ARL15: variants seen among roughly 807,000 people sequenced by gnomAD.
The protein encoded by ARL15 is ARF like GTPase 15.
ARL15 carries 19 observed loss-of-function variants against 25.2 expected under a neutral mutation model. The ratio of observed to expected loss-of-function variants is 0.75; its 90% CI spans 0.53 to 1.10. The LOEUF (loss-of-function observed/expected upper bound fraction) is 1.10, where lower values mean the gene tolerates loss of function less well. ARL15 is among the 50% of genes least tolerant of loss of function. The probability of loss-of-function intolerance (pLI) is 0.00; values close to 1 mark genes in which losing one functional copy is unlikely to be tolerated. For missense variants in ARL15, 220 were observed against 246.0 expected, an observed-to-expected ratio of 0.89 and a Z score of 0.71; for synonymous variants, 94 against 86.8, an observed-to-expected ratio of 1.08 and a Z score of -0.46.
At chr5:54,220,187 G>C (rs763647380) in intron 1 of ARL15, among the ~76,000 whole-genome samples, 1 of 152,132 alleles carries the variant, frequency 6.6e-6, no homozygotes, top group Non-Finnish European at 1.5e-5. Context: ...ACTAAAGAAA[G>C]TTACCTGTTA....
chr5:54,073,148 C>T (rs1021934116), intron 4 of ARL15, among the ~76,000 whole-genome samples: 26 of 152,148 alleles, frequency 1.7e-4, no homozygotes, highest in Admixed American at 1.5e-3. Flanking sequence ...GATTATAGAA[C>T]GACATGTCAG....
chr5:54,280,788 T>G (rs1285853674), intron 1 of ARL15, among the ~76,000 whole-genome samples: 1 of 152,222 alleles, frequency 6.6e-6, no homozygotes, highest in Non-Finnish European at 1.5e-5. Flanking sequence ...TAAAAGTAAG[T>G]ATCACTATAT....
intron 1 of ARL15, among the ~76,000 whole-genome samples, chr5:54,239,275 C>T (rs1485083791): frequency 1.3e-5 from 2 of 151,110 alleles, no homozygotes; most frequent in Non-Finnish European, 2.9e-5. Context: ...TTATCCTAGG[C>T]ATTGGATTTT....
At chr5:54,011,908 C>T (rs1749253644) in intron 4 of ARL15, among the ~76,000 whole-genome samples, 1 of 151,990 alleles carries the variant, frequency 6.6e-6, no homozygotes, top group Non-Finnish European at 1.5e-5. Context: ...ACTGGGGAGG[C>T]TGTGGCAAGA....
chr5:53,998,779 G>C (rs1314661054), intron 4 of ARL15, among the ~76,000 whole-genome samples: 2 of 152,156 alleles, frequency 1.3e-5, no homozygotes, highest in East Asian at 3.9e-4. Flanking sequence ...AAAATGAAAA[G>C]GCCTGGTCCC....
intron 1 of ARL15, among the ~76,000 whole-genome samples, chr5:54,294,344 G>C (rs2112696849): frequency 6.6e-6 from 1 of 152,308 alleles, no homozygotes; most frequent in African/African-American, 2.4e-5. Flanking sequence ...GAGTTCAGTA[G>C]TTGAAAGAAA....
chr5:54,228,357 A>T (rs1179403464), intron 1 of ARL15, among the ~76,000 whole-genome samples: 1 of 152,140 alleles, frequency 6.6e-6, no homozygotes, highest in African/African-American at 2.4e-5. Flanking sequence ...ATTGTAACTA[A>T]ATCACCAAAT....
chr5:54,244,961 AG>A (rs1280235638), intron 1 of ARL15, among the ~76,000 whole-genome samples: 1 of 152,168 alleles, frequency 6.6e-6, no homozygotes, highest in Non-Finnish European at 1.5e-5. Context: ...TCTAAAATGA[AG>A]AAAATACTCT....
intron 1 of ARL15, among the ~76,000 whole-genome samples, chr5:54,185,501 A>G (rs368377810): frequency 1.2e-4 from 19 of 152,296 alleles, no homozygotes; most frequent in African/African-American, 4.3e-4. Flanking sequence ...TGCAGGCACT[A>G]CTTTTAATTC....
In ARL15 at chr5:54,246,189, TTC is replaced by T. The variant is rs573879768; in HGVS notation, c.48+64241_48+64242del. Among the ~76,000 whole-genome samples the T allele has an allele frequency of 1.5e-3, 227 of 152,252 alleles. 1 individual carries two copies. The highest frequency in any genetic ancestry group is 5.2e-3 in the African/African-American group (217 of 41,540). ...CCTTCCCTTCTTCCTCCTGTTCTTT[TTC>T]TCTGTCAAATTAAAATATTTCCCTT... On this transcript the variant is annotated intron_variant, in intron 1 of 4. Transcript: ENST00000504924.
chr5:54,248,941 G>A lies in ARL15; in HGVS notation c.48+61491C>T, dbSNP rs550613233. On this transcript the variant is annotated intron_variant, in intron 1 of 4. Coordinates refer to ENST00000504924, the MANE Select transcript of ARL15 (RefSeq NM_019087.3). Reference sequence around the variant, plus strand: ...CTGACGGCTGGGTGTGGTGGCTCACGCCTGTAATCCCAGCACTTTGGGAAG... The same window carrying A: ...CTGACGGCTGGGTGTGGTGGCTCACACCTGTAATCCCAGCACTTTGGGAAG... 2.0e-4 allele frequency among the ~76,000 whole-genome samples: 31 copies of A among 152,244 alleles called. No homozygotes were observed. The East Asian group carries it at 5.2e-3, about 26-fold the overall frequency.
At chr5:54,050,556 C>G (rs1750675395) in intron 4 of ARL15, among the ~76,000 whole-genome samples, 1 of 152,120 alleles carries the variant, frequency 6.6e-6, no homozygotes, top group African/African-American at 2.4e-5. Context: ...GGAAGGAGCA[C>G]TTCTGAATTA....
chr5:54,118,343 G>A (rs1246031344), intron 3 of ARL15, among the ~76,000 whole-genome samples: 1 of 152,122 alleles, frequency 6.6e-6, no homozygotes, highest in Non-Finnish European at 1.5e-5. Flanking sequence ...GCAGATATGA[G>A]CATCCGGCCC....
intron 4 of ARL15, among the ~76,000 whole-genome samples, chr5:53,920,510 T>A (rs1033119593): frequency 2.6e-4 from 39 of 151,972 alleles, no homozygotes; most frequent in African/African-American, 7.5e-4. Context: ...AATTTTTTTT[T>A]AAAAAGTATC....
rs1311472486 is a variant in ARL15 at position 54,090,655 on chromosome 5, GAAGAAGGAAGA to G, written c.462+22536_462+22546del. On this transcript the variant is annotated intron_variant, in intron 4 of 4. Transcript: ENST00000504924. ...ACATTTTTTATATATCACAGAAAAGGAAGAAGGAAGAAAGGAAAGAAAGGGAAAGAAGGAAA... is the reference window on the plus strand; with the variant it reads ...ACATTTTTTATATATCACAGAAAAGGAAGGAAAGAAAGGGAAAGAAGGAAA... Among the ~76,000 whole-genome samples the G allele has an allele frequency of 2.0e-5, 3 of 151,992 alleles. No individual in the cohort carries two copies. The East Asian group carries it at 5.8e-4, about 29-fold the overall frequency.
chr5:54,162,794 G>A (rs751272186), intron 2 of ARL15, among the ~76,000 whole-genome samples: 72 of 152,280 alleles, frequency 4.7e-4, no homozygotes, highest in Middle Eastern at 3.4e-3. Context: ...CCAGTTTATA[G>A]CAAAGAGTTG....
chr5:54,127,671 T>C (rs1406227252), intron 3 of ARL15, among the ~76,000 whole-genome samples: 5 of 151,844 alleles, frequency 3.3e-5, no homozygotes, highest in African/African-American at 9.7e-5. Flanking sequence ...AAAACTACTT[T>C]AAAGTTCATA....
intron 4 of ARL15, among the ~76,000 whole-genome samples, chr5:54,103,728 A>T (rs1049816220): frequency 6.6e-6 from 1 of 152,186 alleles, no homozygotes; most frequent in Non-Finnish European, 1.5e-5. Flanking sequence ...AGGAAAAAAT[A>T]AAGTGGCAAG....
At chr5:54,024,579 TATA>T (rs1412153048) in intron 4 of ARL15, among the ~76,000 whole-genome samples, 4 of 152,190 alleles carry the variant, frequency 2.6e-5, no homozygotes, top group African/African-American at 9.7e-5. Flanking sequence ...GAATAAGATG[TATA>T]ATGAGGATTC....
Sources: allele counts gnomAD v4.1 joint callset (sites outside exome capture counted in the v4.1 genomes callset), GRCh38; gene constraint gnomAD v4.1.1; transcripts MANE v1.5; gene names NCBI Gene and HGNC (gene_info 2026-07-23, HGNC 2026-07-21).